SAAL1: variants seen among roughly 807,000 people sequenced by gnomAD.
SAAL1 encodes protein SAAL1.
Under a neutral mutation model 59.8 loss-of-function variants are expected in SAAL1, and 42 were observed. The ratio of observed to expected loss-of-function variants is 0.70; its 90% CI spans 0.55 to 0.91. The LOEUF is 0.91. Among genes scored for constraint, SAAL1 ranks in the 40% least tolerant of loss-of-function variants. The probability of loss-of-function intolerance (pLI) is 0.00; values close to 1 mark genes in which losing one functional copy is unlikely to be tolerated. For synonymous variants in SAAL1, 191 were observed against 194.3 expected (o/e 0.98, Z 0.14); for missense variants, 542 against 561.1 (o/e 0.97, Z 0.34).
chr11:18,096,677 G>T, intron 3 of SAAL1, 94 bp downstream of exon 3: 1 of 734,890 alleles, frequency 1.4e-6, no homozygotes, highest in Non-Finnish European at 2.4e-6. Flanking sequence ...TTTATGGTCA[G>T]TAAGAAAATC....
Position 18,083,717 on chromosome 11 carries a change from T to C in SAAL1, c.1057A>G (p.Ile353Val), listed in dbSNP as rs757082861. ...LKIEKVDLPL[I>V]DSLIRVLQNM... Reference sequence around the variant, plus strand: ...TGTAAGACCCGAATGAGGCTGTCAATTAGAGGAAGATCTACTGTATAAACA... The same window carrying C: ...TGTAAGACCCGAATGAGGCTGTCAACTAGAGGAAGATCTACTGTATAAACA... The change falls in exon 10 of 12, where the codon ATT becomes GTT. Residue 353 changes from isoleucine to valine, a missense_variant. Transcript: ENST00000524803. The C allele has an allele frequency of 3.1e-6, 5 of 1,606,468 alleles. No individual in the cohort carries two copies. Among genetic ancestry groups the C allele is most frequent in the Non-Finnish European group, 4.2e-6 (5 of 1,176,690 alleles).
At chr11:18,091,116 C>T (rs1004285328) in intron 4 of SAAL1, among the ~76,000 whole-genome samples, 1 of 152,166 alleles carries the variant, frequency 6.6e-6, no homozygotes, top group Non-Finnish European at 1.5e-5. Flanking sequence ...CAATTTGGGG[C>T]TATTTCAAGC....
chr11:18,096,996 G>A, intron 2 of SAAL1, 142 bp from the exon 3 acceptor site: 1 of 602,356 alleles, frequency 1.7e-6, no homozygotes. Context: ...AGCACATTGG[G>A]AGGCCAAGGC....
At chr11:18,099,541 C>A (rs908949599) in intron 2 of SAAL1, among the ~76,000 whole-genome samples, 2 of 152,096 alleles carry the variant, frequency 1.3e-5, no homozygotes, top group African/African-American at 4.8e-5. Context: ...ATAAAGCGGG[C>A]TACTTTAGAC....
At position 18,092,321 on chromosome 11, in the gene SAAL1, T is replaced by C. The variant is rs777039946; in HGVS notation, c.337A>G (p.Ile113Val). Reference protein sequence around the residue: ...AKSKCPRLREICVGILGNMAC... With the variant: ...AKSKCPRLREVCVGILGNMAC... ...ATATTACCTAAAATTCCCACACAGA[T>C]TTCCTGCCAAATCAAATTTTACAAG... The change falls in exon 4 of 12, where the codon ATC (isoleucine) becomes GTC (valine). Residue 113 changes from isoleucine to valine, a missense_variant. Transcript: ENST00000524803. 1 of 1,591,960 alleles carries C rather than the reference T, an allele frequency of 6.3e-7. No homozygotes were observed. Among genetic ancestry groups the C allele is most frequent in the South Asian group, 1.1e-5 (1 of 90,544 alleles).
chr11:18,097,246 T>TA (rs1436851420), intron 2 of SAAL1, among the ~76,000 whole-genome samples: 6 of 142,218 alleles, frequency 4.2e-5, no homozygotes, highest in Admixed American at 3.5e-4. Context: ...CCAAAAAAAA[T>TA]AAAAAAATAA....
chr11:18,105,952 G>C lies in SAAL1; in HGVS notation c.90C>G (p.Val30=), dbSNP rs1006906062. 1.9e-6 allele frequency: 3 copies of C among 1,608,618 alleles called. No homozygotes were observed. In the African/African-American group the frequency reaches 4.0e-5, roughly 21 times the overall value. ...CGCCGAAGAGCCAGTGTTTGCTGTA[G>C]ACCGTGCTCCCTATGCAGTCTCCAC... is the stretch of plus-strand genomic sequence containing the variant. ...VAGGDCIGST[V]YSKHWLFGVL... The change falls in exon 1 of 12, where the codon GTC becomes GTG. Residue 30 remains valine (V), a synonymous_variant. Transcript: ENST00000524803.
intron 1 of SAAL1, among the ~76,000 whole-genome samples, chr11:18,103,660 T>G (rs1280870110): frequency 1.3e-5 from 2 of 152,222 alleles, no homozygotes; most frequent in Non-Finnish European, 2.9e-5. Context: ...TGTCCAGGGC[T>G]GGTTTCTGCC....
At chr11:18,089,549 C>T (rs368591726) in intron 6 of SAAL1, 39 bp from the exon 7 acceptor site, 3 of 1,572,640 alleles carry the variant, frequency 1.9e-6, no homozygotes, top group Non-Finnish European at 2.6e-6. Flanking sequence ...GAAAAACAAA[C>T]TGCTAAAAGC....
rs1848500277 is a variant in SAAL1, at chr11:18,089,525, A to C, written c.590-15T>G. The C allele has an allele frequency of 6.3e-7, 1 of 1,595,190 alleles. No homozygotes were observed. Among genetic ancestry groups the C allele is most frequent in the Non-Finnish European group, 8.5e-7 (1 of 1,174,806 alleles). On this transcript the variant is annotated splice_polypyrimidine_tract_variant and intron_variant, in intron 6 of 11. Transcript: ENST00000524803. The stretch of plus-strand genomic sequence containing the variant: ...CAGCAAGTCAACTGCAGAGAATAAA[A>C]CAGATATTGAAATGAAAAACAAACT...
intron 9 of SAAL1, 91 bp downstream of exon 9, chr11:18,086,775 A>C (rs1393506330): frequency 1.4e-6 from 1 of 708,798 alleles, no homozygotes. Flanking sequence ...TTAGCATGTA[A>C]TGTTTTTATA....
chr11:18,087,878 C>A (rs1454829160), intron 7 of SAAL1, among the ~76,000 whole-genome samples: 1 of 152,214 alleles, frequency 6.6e-6, no homozygotes, highest in East Asian at 1.9e-4. Context: ...AAGATGTTAT[C>A]CCTACCTTCA....
intron 3 of SAAL1, among the ~76,000 whole-genome samples, chr11:18,096,182 C>T (rs575261235): frequency 1.3e-5 from 2 of 152,310 alleles, no homozygotes; most frequent in African/African-American, 2.4e-5. Context: ...ATGCCTAACT[C>T]GTCTCCACAG....
Position 18,103,248 on chromosome 11 carries a change from A to C in SAAL1, c.234T>G (p.Asp78Glu). ...EMENEICRVWDMSMDEDVALF... is the reference protein window; with the variant it reads ...EMENEICRVWEMSMDEDVALF... ...AGCCTCATACCTCATCCATTGACAT[A>C]TCCCATACTCTGCAAATTTCATTCT... Residue 78 changes from aspartate to glutamate, a missense_variant, in exon 2 of 12, where the codon GAT becomes GAG. Asp to Glu is a conservative substitution (Grantham distance 45, BLOSUM62 2). Transcript: ENST00000524803. 2 of 1,610,348 alleles carry C rather than the reference A, an allele frequency of 1.2e-6. No homozygotes were observed. Among genetic ancestry groups the C allele is most frequent in the Non-Finnish European group, 1.7e-6 (2 of 1,176,636 alleles).
At position 18,103,696 on chromosome 11, in the gene SAAL1, C is replaced by T. The variant is rs145042997; in HGVS notation, c.136-350G>A. 4.8e-3 allele frequency among the ~76,000 whole-genome samples: 736 copies of T among 152,284 alleles called. 17 individuals are homozygous for T. The highest frequency in any genetic ancestry group is 3.3e-3 in the East Asian group (17 of 5,186). On this transcript the variant is annotated intron_variant, in intron 1 of 11. Coordinates refer to ENST00000524803, the MANE Select transcript of SAAL1 (RefSeq NM_138421.3). ...TTGCACCTTGAACTGCTGGTACAGG[C>T]TCCAGCCACCCTCAACCCTGAACCA...
At chr11:18,094,600 T>C (rs1348697399) in intron 3 of SAAL1, among the ~76,000 whole-genome samples, 1 of 151,906 alleles carries the variant, frequency 6.6e-6, no homozygotes, top group East Asian at 1.9e-4. Context: ...AAAATGAATA[T>C]AATGAGAACA....
intron 6 of SAAL1, 106 bp from the exon 7 acceptor site, chr11:18,089,616 C>T: frequency 2.1e-6 from 2 of 941,576 alleles, no homozygotes; most frequent in Non-Finnish European, 3.1e-6. Flanking sequence ...CTTGCCAAAG[C>T]AGTACTTATT....
chr11:18,100,710 A>G (rs1477329164), intron 2 of SAAL1, among the ~76,000 whole-genome samples: 1 of 152,270 alleles, frequency 6.6e-6, no homozygotes, highest in Non-Finnish European at 1.5e-5. Context: ...ATTTCAAACT[A>G]TAAAGTATGT....
At chr11:18,092,350 C>G (rs769877000) in intron 3 of SAAL1, 26 bp from the exon 4 acceptor site, 2 of 1,407,734 alleles carry the variant, frequency 1.4e-6, no homozygotes, top group African/African-American at 1.4e-5. Flanking sequence ...TTACAAGTCA[C>G]AATGGCTCTG....
Sources: gnomAD v4.1 joint callset for allele counts (sites outside exome capture counted in the v4.1 genomes callset) on GRCh38, gnomAD v4.1.1 for gene constraint, MANE v1.5 for transcripts, NCBI Gene and HGNC (gene_info 2026-07-23, HGNC 2026-07-21) for gene names.